CCSER1: variants seen among roughly 807,000 people sequenced by gnomAD.
CCSER1 encodes serine-rich coiled-coil domain-containing protein 1.
A neutral mutation model predicts 82.0 loss-of-function variants in CCSER1; 41 were observed. The ratio of observed to expected loss-of-function variants is 0.50; its 90% CI spans 0.39 to 0.65. The LOEUF (loss-of-function observed/expected upper bound fraction) is 0.65. Ranked by LOEUF, CCSER1 falls within the 30% of genes least tolerant of loss-of-function variation. CCSER1 has a pLI of 0.00. For synonymous variants in CCSER1, 414 were observed against 383.9 expected, an observed-to-expected ratio of 1.08 and a Z score of -0.92; for missense variants, 1,119 against 1,064.2, an observed-to-expected ratio of 1.05 and a Z score of -0.72.
At chr4:90,855,330 A>G (rs1764337688) in intron 8 of CCSER1, among the ~76,000 whole-genome samples, 1 of 152,196 alleles carries the variant, frequency 6.6e-6, no homozygotes, top group Non-Finnish European at 1.5e-5. Flanking sequence ...AAACAGAGGT[A>G]GGGAGCCTCA....
intron 9 of CCSER1, among the ~76,000 whole-genome samples, chr4:90,974,604 G>A (rs552882306): frequency 1.2e-4 from 18 of 151,372 alleles, no homozygotes; most frequent in Non-Finnish European, 1.5e-4. Flanking sequence ...GCCGATAAAT[G>A]CATGACAAGA....
intron 10 of CCSER1, among the ~76,000 whole-genome samples, chr4:91,096,987 TAAATG>T (rs1189786353): frequency 6.6e-6 from 1 of 152,086 alleles, no homozygotes. Flanking sequence ...CGCTTCCACT[TAAATG>T]GAGTGGGCAA....
chr4:91,269,381 G>C (rs1431907832), intron 10 of CCSER1, among the ~76,000 whole-genome samples: 1 of 152,062 alleles, frequency 6.6e-6, no homozygotes, highest in Non-Finnish European at 1.5e-5. Context: ...TACAGACTAC[G>C]TGTTTCCTGA....
chr4:90,815,189 C>G (rs1220123559), intron 7 of CCSER1, among the ~76,000 whole-genome samples: 1 of 151,770 alleles, frequency 6.6e-6, no homozygotes, highest in South Asian at 2.1e-4. Context: ...TCAGGGAAAA[C>G]TGCCACTTTT....
At chr4:90,617,791 T>C (rs1178114646) in intron 5 of CCSER1, among the ~76,000 whole-genome samples, 1 of 152,152 alleles carries the variant, frequency 6.6e-6, no homozygotes, top group East Asian at 1.9e-4. Context: ...TGTCTTCATG[T>C]TATCCCTTCT....
At chr4:91,442,158 C>T (rs373241439) in intron 10 of CCSER1, among the ~76,000 whole-genome samples, 17 of 150,748 alleles carry the variant, frequency 1.1e-4, no homozygotes, top group East Asian at 8.0e-4. Context: ...GAGCCCACAT[C>T]GCCAAGTCAA....
Position 91,259,273 on chromosome 4 carries a change from A to G in CCSER1, c.2217+173279A>G, listed in dbSNP as rs139682372. ...TCCATTCTTTATAAACCAAAACATT[A>G]GTTTCATGAATTATTTTAACAAAAT... On this transcript the variant is annotated intron_variant, in intron 10 of 10. Transcript: ENST00000509176. Among the ~76,000 whole-genome samples the G allele has an allele frequency of 3.6e-3, 541 of 152,284 alleles. 2 individuals carry two copies. The highest frequency in any genetic ancestry group is 0.012 in the African/African-American group (514 of 41,562).
intron 7 of CCSER1, chr4:90,781,266 T>TAA: frequency 1.2e-5 from 12 of 984,842 alleles, no homozygotes; most frequent in Non-Finnish European, 1.4e-5. Context: ...GTATGCACCA[T>TAA]AACACTTTTA....
Position 91,061,509 on chromosome 4 carries a change from C to T in CCSER1, c.2173-24441C>T, listed in dbSNP as rs527362192. 3.7e-4 allele frequency among the ~76,000 whole-genome samples: 56 copies of T among 152,034 alleles called. 2 individuals are homozygous for T. The South Asian group carries it at 9.7e-3, about 26-fold the overall frequency. Reference sequence around the variant, plus strand: ...TAGAGTTCTTTGAAGAAATATCCAGCTAGGAGAAAGGTGTTGTTTTTATTT... The same window carrying T: ...TAGAGTTCTTTGAAGAAATATCCAGTTAGGAGAAAGGTGTTGTTTTTATTT... On this transcript the variant is annotated intron_variant, in intron 9 of 10. Coordinates refer to ENST00000509176, the MANE Select transcript of CCSER1 (RefSeq NM_001145065.2).
At chr4:91,589,953 G>C (rs1057388678) in intron 10 of CCSER1, among the ~76,000 whole-genome samples, 1 of 151,846 alleles carries the variant, frequency 6.6e-6, no homozygotes, top group Non-Finnish European at 1.5e-5. Context: ...ACAACTTACT[G>C]TTCTACAAGA....
intron 8 of CCSER1, among the ~76,000 whole-genome samples, chr4:90,870,568 T>A (rs555436393): frequency 2.6e-5 from 4 of 151,986 alleles, no homozygotes; most frequent in Non-Finnish European, 5.9e-5. Flanking sequence ...CTTTTTAATG[T>A]GTTGTTGTGT....
chr4:90,341,985 T>A (rs577244342), intron 3 of CCSER1, among the ~76,000 whole-genome samples: 62 of 152,190 alleles, frequency 4.1e-4, no homozygotes, highest in Non-Finnish European at 7.6e-4. Context: ...ACTGATCTAG[T>A]CTTTTCATGA....
chr4:90,218,679 A>G (rs1020548197), intron 1 of CCSER1, among the ~76,000 whole-genome samples: 2 of 152,064 alleles, frequency 1.3e-5, no homozygotes, highest in Non-Finnish European at 2.9e-5. Context: ...GGTTGGAACT[A>G]TATAAAAATG....
At chr4:91,350,275 C>T (rs1487709721) in intron 10 of CCSER1, among the ~76,000 whole-genome samples, 1 of 152,028 alleles carries the variant, frequency 6.6e-6, no homozygotes, top group Non-Finnish European at 1.5e-5. Flanking sequence ...GTTAATTCTT[C>T]TGATATGTTT....
intron 7 of CCSER1, among the ~76,000 whole-genome samples, chr4:90,806,815 G>A (rs1303631518): frequency 6.6e-6 from 1 of 151,320 alleles, no homozygotes; most frequent in Non-Finnish European, 1.5e-5. Context: ...TAGAGAATTT[G>A]TTAGTAGGAA....
At chr4:90,340,073 A>G (rs1437459607) in intron 3 of CCSER1, among the ~76,000 whole-genome samples, 2 of 152,130 alleles carry the variant, frequency 1.3e-5, no homozygotes, top group African/African-American at 2.4e-5. Flanking sequence ...CTTAGTGACA[A>G]TTAAAAATTC....
chr4:91,085,376 A>G (rs1346336606), intron 9 of CCSER1, among the ~76,000 whole-genome samples: 1 of 152,148 alleles, frequency 6.6e-6, no homozygotes, highest in African/African-American at 2.4e-5. Context: ...TAAGAAAAAG[A>G]ATAACTCTTT....
intron 10 of CCSER1, among the ~76,000 whole-genome samples, chr4:91,304,586 A>G (rs1214138083): frequency 6.6e-6 from 1 of 152,008 alleles, no homozygotes; most frequent in African/African-American, 2.4e-5. Flanking sequence ...ATTTTCACAC[A>G]TCACATACGT....
intron 8 of CCSER1, among the ~76,000 whole-genome samples, chr4:90,913,432 A>G (rs1048184311): frequency 6.6e-6 from 1 of 152,202 alleles, no homozygotes. Context: ...TTTACAGACA[A>G]GCAAATGCTG....
Sources: gnomAD v4.1 joint callset for allele counts (sites outside exome capture counted in the v4.1 genomes callset) on GRCh38, gnomAD v4.1.1 for gene constraint, MANE v1.5 for transcripts, NCBI Gene and HGNC (gene_info 2026-07-23, HGNC 2026-07-21) for gene names.